The following INPP4B variants were observed in gnomAD, a reference collection of about 807,000 sequenced individuals.
INPP4B encodes inositol polyphosphate-4-phosphatase type II B, also known as inositol polyphosphate 4-phosphatase type II.
Under a neutral mutation model 122.5 loss-of-function variants are expected in INPP4B, and 55 were observed. The ratio of observed to expected loss-of-function variants is 0.45; its 90% CI spans 0.36 to 0.56. The LOEUF is 0.56. Among genes scored for constraint, INPP4B ranks in the 20% least tolerant of loss-of-function variants. The probability of loss-of-function intolerance (pLI) is 0.00; values close to 1 mark genes in which losing one functional copy is unlikely to be tolerated. For missense variants in INPP4B, 1,000 were observed against 1,097.7 expected, an observed-to-expected ratio of 0.91 and a Z score of 1.26; for synonymous variants, 403 against 388.7, an observed-to-expected ratio of 1.04 and a Z score of -0.43.
chr4:142,074,405 A>T (rs770320018), intron 25 of INPP4B, among the ~76,000 whole-genome samples: 26 of 152,114 alleles, frequency 1.7e-4, no homozygotes, highest in Non-Finnish European at 3.4e-4. Flanking sequence ...CTCTTACAGT[A>T]CAAGTATTGG....
At chr4:142,086,999 C>T (rs948585708) in intron 23 of INPP4B, among the ~76,000 whole-genome samples, 7 of 152,164 alleles carry the variant, frequency 4.6e-5, no homozygotes, top group African/African-American at 1.7e-4. Context: ...AAATAAGACA[C>T]ATGAAATCAG....
intron 2 of INPP4B, among the ~76,000 whole-genome samples, chr4:142,478,164 C>T (rs1820041659): frequency 6.6e-6 from 1 of 152,290 alleles, no homozygotes; most frequent in South Asian, 2.1e-4. Context: ...TCTATCAGAT[C>T]TCGGAGCTTT....
chr4:142,509,803 C>T (rs1038587935), intron 2 of INPP4B, among the ~76,000 whole-genome samples: 1 of 152,152 alleles, frequency 6.6e-6, no homozygotes, highest in African/African-American at 2.4e-5. Context: ...GGAATCATGG[C>T]CCCTGCCTCT....
intron 25 of INPP4B, among the ~76,000 whole-genome samples, chr4:142,062,742 AAAACAAACAAACAAAC>A (rs3043162): frequency 6.7e-6 from 1 of 149,112 alleles, no homozygotes; most frequent in Non-Finnish European, 1.5e-5. Context: ...TCCCCCCGCA[AAAACAAACAAACAAAC>A]AAACAAACAA....
At chr4:142,810,645 C>A (rs1779397145) in intron 1 of INPP4B, among the ~76,000 whole-genome samples, 6 of 152,140 alleles carry the variant, frequency 3.9e-5, no homozygotes, top group African/African-American at 7.2e-5. Context: ...TTCTATGGCA[C>A]AAAAAGGACT....
chr4:142,759,901 A>C (rs1771072892), intron 1 of INPP4B, among the ~76,000 whole-genome samples: 1 of 151,796 alleles, frequency 6.6e-6, no homozygotes, highest in Admixed American at 6.6e-5. Context: ...GATAATAAGA[A>C]ACAAAAAAAG....
intron 2 of INPP4B, among the ~76,000 whole-genome samples, chr4:142,487,030 AC>A (rs781253609): frequency 1.6e-4 from 24 of 152,038 alleles, no homozygotes; most frequent in Non-Finnish European, 3.1e-4. Context: ...TTTGGGAGGG[AC>A]CCGGTGAAAG....
chr4:142,627,714 C>G (rs1363823823), intron 2 of INPP4B, among the ~76,000 whole-genome samples: 1 of 151,724 alleles, frequency 6.6e-6, no homozygotes, highest in Admixed American at 6.6e-5. Context: ...CTAAAATTCT[C>G]TTTTTTGGTT....
intron 21 of INPP4B, among the ~76,000 whole-genome samples, chr4:142,118,511 T>A (rs1397496880): frequency 6.6e-6 from 1 of 152,120 alleles, no homozygotes; most frequent in African/African-American, 2.4e-5. Flanking sequence ...CCACCTGATC[T>A]TTGAAAAACT....
chr4:142,763,778 T>C (rs1056637371), intron 1 of INPP4B, among the ~76,000 whole-genome samples: 1 of 152,090 alleles, frequency 6.6e-6, no homozygotes, highest in African/African-American at 2.4e-5. Context: ...TACATCTCTG[T>C]GGTTAGGAAA....
At chr4:142,192,367 G>C (rs71608472) in intron 15 of INPP4B, among the ~76,000 whole-genome samples, 1 of 110,718 alleles carries the variant, frequency 9.0e-6, no homozygotes, top group Non-Finnish European at 2.0e-5. Flanking sequence ...GGATTCTTAA[G>C]AAGAATAACT....
chr4:142,174,427 G>A lies in INPP4B; in HGVS notation c.1182-618C>T, dbSNP rs527555945. 9.2e-5 allele frequency among the ~76,000 whole-genome samples: 14 copies of A among 152,206 alleles called. No homozygotes were observed. In the South Asian group the frequency reaches 2.9e-3, roughly 32 times the overall value. Reference sequence around the variant, plus strand: ...TTACTAGGTGAGGGGTGTGGAGGAAGTAAATTTTAATAGCTGAGAAATGAG... The same window carrying A: ...TTACTAGGTGAGGGGTGTGGAGGAAATAAATTTTAATAGCTGAGAAATGAG... On this transcript the variant is annotated intron_variant, in intron 15 of 25. Coordinates refer to ENST00000262992, the MANE Select transcript of INPP4B (RefSeq NM_001101669.3).
intron 25 of INPP4B, among the ~76,000 whole-genome samples, chr4:142,065,234 AAC>A (rs36228246): frequency 0.032 from 4,854 of 149,596 alleles, 248 homozygotes; most frequent in African/African-American, 0.11. Context: ...GAATGAGGCC[AAC>A]ACACACACAC....
intron 2 of INPP4B, among the ~76,000 whole-genome samples, chr4:142,675,366 C>A (rs763377302): frequency 7.6e-4 from 116 of 152,044 alleles, no homozygotes; most frequent in Middle Eastern, 6.8e-3. Context: ...AATATCCTAC[C>A]AATCAAAAAA....
At chr4:142,480,257 C>A (rs897210090) in intron 2 of INPP4B, among the ~76,000 whole-genome samples, 1 of 152,180 alleles carries the variant, frequency 6.6e-6, no homozygotes, top group Non-Finnish European at 1.5e-5. Context: ...TAGCTAACCA[C>A]AAAATCTCAG....
intron 5 of INPP4B, chr4:142,423,820 AT>A (rs2149326932): frequency 4.6e-6 from 2 of 438,598 alleles, no homozygotes; most frequent in South Asian, 3.3e-5. Flanking sequence ...TTAATTTCCT[AT>A]AAAAAAAAAA....
At chr4:142,240,920 C>T (rs564993640) in intron 11 of INPP4B, among the ~76,000 whole-genome samples, 11 of 152,034 alleles carry the variant, frequency 7.2e-5, no homozygotes, top group South Asian at 2.1e-4. Context: ...GTTTTGTTAT[C>T]GCACATAAAA....
chr4:142,032,591 T>C (rs954069491), intron 25 of INPP4B, among the ~76,000 whole-genome samples: 5 of 152,194 alleles, frequency 3.3e-5, no homozygotes, highest in Non-Finnish European at 7.3e-5. Context: ...AAAAAATATA[T>C]ATTAGTAGAA....
rs28786807 is a variant in INPP4B, at chr4:142,456,023, G to C, written c.-127+6640C>G. The stretch of plus-strand genomic sequence containing the variant: ...TATTAGATTTTTTTTCTATAGAGTT[G>C]TTTCAGATCCTTATATATTCTGATT... On this transcript the variant is annotated intron_variant, in intron 3 of 25. Coordinates refer to ENST00000262992, the MANE Select transcript of INPP4B (RefSeq NM_001101669.3). 7.7e-3 allele frequency among the ~76,000 whole-genome samples: 1,162 copies of C among 151,854 alleles called. 12 individuals carry two copies. The highest frequency in any genetic ancestry group is 0.026 in the African/African-American group (1,077 of 41,444).
Sources: gnomAD v4.1 joint callset for allele counts (sites outside exome capture counted in the v4.1 genomes callset) on GRCh38, gnomAD v4.1.1 for gene constraint, MANE v1.5 for transcripts, NCBI Gene and HGNC (gene_info 2026-07-23, HGNC 2026-07-21) for gene names.